UBE2E1: variants seen among roughly 807,000 people sequenced by gnomAD.
UBE2E1 encodes the protein ubiquitin conjugating enzyme E2 E1, also known as ubiquitin-conjugating enzyme E2 E1.
In UBE2E1, 6 loss-of-function variants were observed where a neutral mutation model predicts 21.4. The observed-to-expected ratio is 0.28, with a 90% confidence interval of 0.15 to 0.55. The LOEUF is 0.55. UBE2E1 is among the 20% of genes least tolerant of loss of function. The pLI, the probability that UBE2E1 is intolerant of heterozygous loss-of-function variation, is 0.93. For missense variants in UBE2E1, 142 were observed against 236.5 expected (o/e 0.60, Z 2.62); for synonymous variants, 87 against 82.7 (o/e 1.05, Z -0.28).
In UBE2E1 at chr3:23,890,640, G is replaced by A. The variant is rs530810725; in HGVS notation, c.*34G>A. ...TTCACAATTCTTACATTATTTGTCT[G>A]TCACAGAAGAGAGCTGCTTATGATT... On this transcript the variant is annotated 3_prime_UTR_variant, in exon 6 of 6. Transcript: ENST00000306627. The A allele has an allele frequency of 6.9e-6, 11 of 1,583,390 alleles. No individual in the cohort carries two copies. In the South Asian group the frequency reaches 1.1e-4, roughly 16 times the overall value.
At chr3:23,884,428 C>A (rs1001935967) in intron 3 of UBE2E1, among the ~76,000 whole-genome samples, 1 of 152,148 alleles carries the variant, frequency 6.6e-6, no homozygotes, top group African/African-American at 2.4e-5. Flanking sequence ...TATATGGATT[C>A]TTGGGTCCCC....
At chr3:23,850,837 C>CTTTTTTTTTTTTTTTT (rs71057628) in intron 3 of UBE2E1, among the ~76,000 whole-genome samples, 3 of 128,458 alleles carry the variant, frequency 2.3e-5, no homozygotes, top group African/African-American at 8.6e-5. Context: ...CCACACCCAG[C>CTTTTTTTTTTTTTTTT]TTTTTTTTTT....
intron 3 of UBE2E1, among the ~76,000 whole-genome samples, chr3:23,851,716 C>A (rs146979318): frequency 3.9e-4 from 60 of 152,216 alleles, no homozygotes; most frequent in Non-Finnish European, 4.1e-4. Flanking sequence ...GTGGGAAGAT[C>A]AGTTGAGCCC....
intron 3 of UBE2E1, among the ~76,000 whole-genome samples, chr3:23,818,785 A>G (rs1699581188): frequency 6.6e-6 from 1 of 152,142 alleles, no homozygotes; most frequent in African/African-American, 2.4e-5. Flanking sequence ...GGAGGAGGAA[A>G]GAATTGTGCT....
At position 23,810,629 on chromosome 3, in the gene UBE2E1, C is replaced by T; in HGVS notation, c.153-831C>T. The T allele has an allele frequency of 8.6e-7, 1 of 1,160,424 alleles. No individual in the cohort carries two copies. Among genetic ancestry groups the T allele is most frequent in the Non-Finnish European group, 1.2e-6 (1 of 854,138 alleles). 71.9% of individuals were successfully genotyped at this position (1,160,424 alleles called of 1,614,324 possible). ...GGCCGGCCACTTGGGGTCTGTGGTG[C>T]CCGAGTGGCGGGCGGGGGTGTTCGC... On this transcript the variant is annotated intron_variant, in intron 2 of 5. Transcript: ENST00000306627. This position sits in a 1 kb window ranked among gnomAD's most constrained non-coding sequence, Gnocchi z 5.8.
At chr3:23,850,993 A>G (rs971506516) in intron 3 of UBE2E1, among the ~76,000 whole-genome samples, 3 of 151,826 alleles carry the variant, frequency 2.0e-5, no homozygotes, top group South Asian at 2.1e-4. Context: ...GCCTATTCCT[A>G]TATTTTCTTC....
chr3:23,846,774 T>C (rs1027668085), intron 3 of UBE2E1, among the ~76,000 whole-genome samples: 3 of 151,752 alleles, frequency 2.0e-5, no homozygotes, highest in Non-Finnish European at 2.9e-5. Context: ...TAATAAGTCT[T>C]GGAGTATACC....
At chr3:23,885,223 T>G (rs1027658893) in intron 3 of UBE2E1, among the ~76,000 whole-genome samples, 1 of 152,158 alleles carries the variant, frequency 6.6e-6, no homozygotes, top group African/African-American at 2.4e-5. Context: ...ACTAATCCTT[T>G]TCATGAGGAT....
intron 3 of UBE2E1, among the ~76,000 whole-genome samples, chr3:23,828,613 A>G (rs1336157285): frequency 6.6e-6 from 1 of 152,238 alleles, no homozygotes; most frequent in Non-Finnish European, 1.5e-5. Flanking sequence ...ATTTGACTCA[A>G]ATTACAAACT....
At chr3:23,875,306 C>T (rs1425512311) in intron 3 of UBE2E1, among the ~76,000 whole-genome samples, 1 of 152,122 alleles carries the variant, frequency 6.6e-6, no homozygotes, top group Non-Finnish European at 1.5e-5. Flanking sequence ...ATTTGATCAT[C>T]TAATTAAATA....
intron 3 of UBE2E1, among the ~76,000 whole-genome samples, chr3:23,861,553 C>T (rs1559488024): frequency 6.6e-6 from 1 of 152,196 alleles, no homozygotes; most frequent in African/African-American, 2.4e-5. Flanking sequence ...ACCACTTTGA[C>T]CCGCCACGCC....
intron 3 of UBE2E1, among the ~76,000 whole-genome samples, chr3:23,825,147 T>G (rs564860997): frequency 1.3e-5 from 2 of 152,338 alleles, no homozygotes; most frequent in Admixed American, 1.3e-4. Context: ...CAGTTAAATC[T>G]TACTCCTAGT....
chr3:23,836,204 A>G lies in UBE2E1; in HGVS notation c.203+24694A>G, dbSNP rs994526075. 1.3e-5 allele frequency among the ~76,000 whole-genome samples: 2 copies of G among 152,370 alleles called. No homozygotes were observed. The highest frequency in any genetic ancestry group is 1.9e-4 in the East Asian group (1 of 5,194). The stretch of plus-strand genomic sequence containing the variant: ...AATAAATCTTTACAAGAGAGTTTTT[A>G]TAACTAAAGTTAATAGGAATATCTA... On this transcript the variant is annotated intron_variant, in intron 3 of 5. Coordinates refer to ENST00000306627, the MANE Select transcript of UBE2E1 (RefSeq NM_003341.5). This position sits in a 1 kb window ranked among gnomAD's most constrained non-coding sequence, Gnocchi z 4.1.
chr3:23,871,839 A>T (rs926378498), intron 3 of UBE2E1, among the ~76,000 whole-genome samples: 17 of 150,482 alleles, frequency 1.1e-4, no homozygotes, highest in African/African-American at 4.2e-4. Context: ...GGCGCTCCTC[A>T]CTTCCTAGAT....
Position 23,873,100 on chromosome 3 carries a change from G to A in UBE2E1, c.204-14467G>A, listed in dbSNP as rs541991145. ...TAATGTCTGACTTCTTAGCAGACAG[G>A]TAGATTTTCATACCTGCTTCTGCAT... On this transcript the variant is annotated intron_variant, in intron 3 of 5. Coordinates refer to ENST00000306627, the MANE Select transcript of UBE2E1 (RefSeq NM_003341.5). 7.2e-5 allele frequency among the ~76,000 whole-genome samples: 11 copies of A among 152,310 alleles called. No homozygotes were observed. In the East Asian group the frequency reaches 1.7e-3, roughly 24 times the overall value.
In UBE2E1 at chr3:23,890,628, CATT is replaced by C. The variant is rs1559497979; in HGVS notation, c.*26_*28del. 2.5e-6 allele frequency: 4 copies of C among 1,588,178 alleles called. No homozygotes were observed. The African/African-American group carries it at 5.4e-5, about 21-fold the overall frequency. ...ATAAATTGGGGTTTCACAATTCTTA[CATT>C]ATTTGTCTGTCACAGAAGAGAGCTG... On this transcript the variant is annotated 3_prime_UTR_variant, in exon 6 of 6. Coordinates refer to ENST00000306627, the MANE Select transcript of UBE2E1 (RefSeq NM_003341.5).
intron 3 of UBE2E1, among the ~76,000 whole-genome samples, chr3:23,845,615 GTA>G (rs1553637996): frequency 9.3e-5 from 14 of 150,820 alleles, no homozygotes; most frequent in African/African-American, 3.4e-4. Context: ...GTGTGTGTGT[GTA>G]TGTGTGTGTA....
At chr3:23,829,827 A>G (rs1231617321) in intron 3 of UBE2E1, among the ~76,000 whole-genome samples, 2 of 152,182 alleles carry the variant, frequency 1.3e-5, no homozygotes, top group Admixed American at 1.3e-4. Flanking sequence ...TAAAAGGAGA[A>G]AGCCTTCAGC....
At chr3:23,886,261 A>G (rs761933663) in intron 3 of UBE2E1, among the ~76,000 whole-genome samples, 10 of 152,194 alleles carry the variant, frequency 6.6e-5, no homozygotes, top group Non-Finnish European at 8.8e-5. Flanking sequence ...TCACAAAGAG[A>G]TATTAAAGAA....
Sources: gnomAD v4.1 joint callset for allele counts (sites outside exome capture counted in the v4.1 genomes callset) on GRCh38, gnomAD v4.1.1 for gene constraint, Gnocchi (gnomAD v3.1) non-coding constraint, MANE v1.5 for transcripts, NCBI Gene and HGNC (gene_info 2026-07-23, HGNC 2026-07-21) for gene names.